RIT2: variants seen among roughly 807,000 people sequenced by gnomAD.
RIT2 encodes the protein Ras like without CAAX 2.
RIT2 carries 24 observed loss-of-function variants against 23.7 expected under a neutral mutation model. The ratio of observed to expected loss-of-function variants is 1.01; its 90% CI spans 0.73 to 1.43. RIT2 has a LOEUF of 1.43. Ranked by LOEUF, RIT2 falls within the 40% of genes most tolerant of loss-of-function variation. The pLI, the probability that RIT2 is intolerant of heterozygous loss-of-function variation, is 0.00. For missense variants in RIT2, 236 were observed against 266.9 expected, an observed-to-expected ratio of 0.88 and a Z score of 0.81; for synonymous variants, 107 against 91.1, an observed-to-expected ratio of 1.17 and a Z score of -0.99.
chr18:43,004,972 T>C (rs192746443), intron 2 of RIT2, among the ~76,000 whole-genome samples: 1 of 151,834 alleles, frequency 6.6e-6, no homozygotes, highest in Admixed American at 6.6e-5. Flanking sequence ...GGAAAAATAA[T>C]TGTGCCAGAA....
At chr18:43,081,991 A>C (rs1913168364) in intron 1 of RIT2, among the ~76,000 whole-genome samples, 1 of 152,056 alleles carries the variant, frequency 6.6e-6, no homozygotes, top group Admixed American at 6.6e-5. Context: ...CTCTAAGACA[A>C]CATAACTTGT....
At chr18:42,786,499 T>C (rs2143939893) in intron 4 of RIT2, among the ~76,000 whole-genome samples, 1 of 152,338 alleles carries the variant, frequency 6.6e-6, no homozygotes. Flanking sequence ...TATATGCAAC[T>C]ATTAAAACAC....
intron 2 of RIT2, among the ~76,000 whole-genome samples, chr18:42,992,939 G>C (rs1266792127): frequency 6.6e-6 from 1 of 152,046 alleles, no homozygotes; most frequent in Non-Finnish European, 1.5e-5. Context: ...ATGAAATAAA[G>C]CTCCAAAAAT....
chr18:43,084,287 G>A (rs532361834), intron 1 of RIT2, among the ~76,000 whole-genome samples: 2 of 152,228 alleles, frequency 1.3e-5, no homozygotes, highest in Admixed American at 1.3e-4. Flanking sequence ...ACTGTCAGTG[G>A]GAGTGTAAAT....
At chr18:43,038,696 G>C (rs1598757278) in intron 1 of RIT2, among the ~76,000 whole-genome samples, 1 of 152,070 alleles carries the variant, frequency 6.6e-6, no homozygotes, top group Admixed American at 6.5e-5. Flanking sequence ...ATTCAGTTAA[G>C]CTTCTTGTAG....
At chr18:43,078,059 G>A (rs923012287) in intron 1 of RIT2, among the ~76,000 whole-genome samples, 1 of 152,144 alleles carries the variant, frequency 6.6e-6, no homozygotes, top group Non-Finnish European at 1.5e-5. Context: ...GCTAAAAAAA[G>A]CATCTTCCTG....
intron 4 of RIT2, among the ~76,000 whole-genome samples, chr18:42,875,035 C>T (rs1907709485): frequency 6.6e-6 from 1 of 152,076 alleles, no homozygotes; most frequent in Non-Finnish European, 1.5e-5. Context: ...CCAGAATAGT[C>T]AGCATGTCAT....
intron 4 of RIT2, among the ~76,000 whole-genome samples, chr18:42,854,803 A>G (rs1229122700): frequency 6.6e-6 from 1 of 152,168 alleles, no homozygotes; most frequent in African/African-American, 2.4e-5. Flanking sequence ...TACTGTATCC[A>G]TCAATCCAAT....
chr18:42,757,916 T>A (rs75164237), intron 4 of RIT2, among the ~76,000 whole-genome samples: 5,452 of 152,194 alleles, frequency 0.036, 320 homozygotes, highest in East Asian at 0.24. Flanking sequence ...TTATTAGACA[T>A]CTTATCTTAC....
chr18:43,032,301 G>C (rs1389672504), intron 2 of RIT2, among the ~76,000 whole-genome samples: 1 of 151,920 alleles, frequency 6.6e-6, no homozygotes, highest in Non-Finnish European at 1.5e-5. Flanking sequence ...CACATCTACT[G>C]CCCTGTTCAA....
intron 1 of RIT2, among the ~76,000 whole-genome samples, chr18:43,056,055 T>G (rs1435928973): frequency 6.6e-6 from 1 of 152,066 alleles, no homozygotes; most frequent in Non-Finnish European, 1.5e-5. Flanking sequence ...AGAAGGTTTA[T>G]GTACAGGGTC....
chr18:42,861,925 A>G (rs1907337995), intron 4 of RIT2, among the ~76,000 whole-genome samples: 1 of 152,156 alleles, frequency 6.6e-6, no homozygotes, highest in South Asian at 2.1e-4. Flanking sequence ...AATGCCAGAA[A>G]ATTTTTTAGA....
At chr18:42,920,821 A>C in intron 4 of RIT2, 1 of 1,073,302 alleles carries the variant, frequency 9.3e-7, no homozygotes. Flanking sequence ...ACCACTAAAC[A>C]ATAGCACCAG....
chr18:42,752,859 C>G (rs538483687), intron 4 of RIT2, among the ~76,000 whole-genome samples: 3 of 151,950 alleles, frequency 2.0e-5, no homozygotes, highest in Non-Finnish European at 4.4e-5. Flanking sequence ...AAAGAAGGAA[C>G]GTTTTTGATT....
intron 4 of RIT2, among the ~76,000 whole-genome samples, chr18:42,915,944 A>AT (rs1034588010): frequency 2.6e-5 from 4 of 151,708 alleles, no homozygotes; most frequent in African/African-American, 9.7e-5. Flanking sequence ...GTGTATATAT[A>AT]TTTTTTTCTT....
chr18:42,893,029 T>G (rs1166942188), intron 4 of RIT2, among the ~76,000 whole-genome samples: 1 of 152,090 alleles, frequency 6.6e-6, no homozygotes, highest in Non-Finnish European at 1.5e-5. Context: ...GGTCCTAAAA[T>G]CCAAAGCCCA....
intron 4 of RIT2, among the ~76,000 whole-genome samples, chr18:42,746,220 G>A (rs1283584849): frequency 6.6e-6 from 1 of 152,076 alleles, no homozygotes; most frequent in Non-Finnish European, 1.5e-5. Flanking sequence ...AAGTCAATGA[G>A]GCAGGACATA....
chr18:42,871,703 C>T (rs11872286), intron 4 of RIT2, among the ~76,000 whole-genome samples: 7 of 151,710 alleles, frequency 4.6e-5, no homozygotes, highest in Admixed American at 1.3e-4. Flanking sequence ...TGTCTCATGG[C>T]CAAAGGTGTA....
chr18:42,946,647 T>C (rs568649671), intron 3 of RIT2, among the ~76,000 whole-genome samples: 1 of 152,150 alleles, frequency 6.6e-6, no homozygotes, highest in South Asian at 2.1e-4. Context: ...GCCAACTTTG[T>C]TCTTGTTAAG....
Sources: gnomAD v4.1 joint callset for allele counts (sites outside exome capture counted in the v4.1 genomes callset) on GRCh38, gnomAD v4.1.1 for gene constraint, MANE v1.5 for transcripts, NCBI Gene and HGNC (gene_info 2026-07-23, HGNC 2026-07-21) for gene names.